CHMP2B: variants seen among roughly 807,000 people sequenced by gnomAD.
CHMP2B encodes charged multivesicular body protein 2B.
Under a neutral mutation model 29.8 loss-of-function variants are expected in CHMP2B, and 22 were observed. The observed-to-expected ratio is 0.74, with a 90% CI of 0.53 to 1.05. The LOEUF is 1.05. Ranked by LOEUF, CHMP2B falls within the 50% of genes least tolerant of loss-of-function variation. The pLI, the probability that CHMP2B is intolerant of heterozygous loss-of-function variation, is 0.00. For missense variants in CHMP2B, 261 were observed against 252.2 expected (o/e 1.03, Z -0.24); for synonymous variants, 78 against 75.8 (o/e 1.03, Z -0.15).
intron 3 of CHMP2B, among the ~76,000 whole-genome samples, chr3:87,247,857 A>G (rs1214077368): frequency 1.3e-5 from 2 of 152,220 alleles, no homozygotes; most frequent in African/African-American, 4.8e-5. Flanking sequence ...GACACCCTAA[A>G]CACTCTGACT....
intron 1 of CHMP2B, among the ~76,000 whole-genome samples, chr3:87,234,251 G>T (rs1182002135): frequency 6.6e-6 from 1 of 152,212 alleles, no homozygotes; most frequent in Non-Finnish European, 1.5e-5. Flanking sequence ...TGGTGAGCTA[G>T]ACTGGACCAC....
chr3:87,240,254 A>G, intron 1 of CHMP2B: 1 of 152,334 alleles, frequency 6.6e-6, no homozygotes, highest in Middle Eastern at 3.5e-3. Context: ...TTTTTAGCAT[A>G]TTAAAGTAAA....
chr3:87,233,931 A>G (rs1411512804), intron 1 of CHMP2B, among the ~76,000 whole-genome samples: 2 of 152,150 alleles, frequency 1.3e-5, no homozygotes, highest in Non-Finnish European at 2.9e-5. Context: ...AACACAGCAT[A>G]CAGTATAGTG....
chr3:87,227,673 C>T, intron 1 of CHMP2B, 117 bp downstream of exon 1: 1 of 1,313,434 alleles, frequency 7.6e-7, no homozygotes, highest in Non-Finnish European at 1.1e-6. Flanking sequence ...CAAGTGGTCC[C>T]ACAGGTGACC....
chr3:87,250,268 T>A (rs1445353217), intron 4 of CHMP2B, among the ~76,000 whole-genome samples: 1 of 152,016 alleles, frequency 6.6e-6, no homozygotes, highest in Non-Finnish European at 1.5e-5. Context: ...TGTCAACTCT[T>A]TGATACTGTA....
intron 1 of CHMP2B, among the ~76,000 whole-genome samples, chr3:87,228,966 C>T (rs1705860392): frequency 1.3e-5 from 2 of 151,666 alleles, no homozygotes; most frequent in Admixed American, 1.3e-4. Flanking sequence ...TTTCTTTTTG[C>T]TTGAGTTTTA....
intron 3 of CHMP2B, among the ~76,000 whole-genome samples, chr3:87,249,295 T>C (rs1706271561): frequency 6.6e-6 from 1 of 152,174 alleles, no homozygotes; most frequent in African/African-American, 2.4e-5. Flanking sequence ...TGAAACATGA[T>C]TGTAAATAAA....
intron 1 of CHMP2B, among the ~76,000 whole-genome samples, chr3:87,229,866 A>G (rs1705876173): frequency 6.6e-6 from 1 of 152,144 alleles, no homozygotes; most frequent in Admixed American, 6.5e-5. Flanking sequence ...TTTAAAAGGA[A>G]GACAACATTA....
intron 2 of CHMP2B, among the ~76,000 whole-genome samples, chr3:87,245,001 T>G (rs1375616603): frequency 6.6e-6 from 1 of 152,212 alleles, no homozygotes; most frequent in Non-Finnish European, 1.5e-5. Context: ...TGAAGCACTT[T>G]TATTAGGTAC....
At position 87,254,683 on chromosome 3, in the gene CHMP2B, G is replaced by C. The variant is rs755585268; in HGVS notation, c.*861G>C. ...TTGAATATAATTAGTAAAAATAGACGATGAATAAATAACACTTTATAGTAA... is the reference window on the plus strand; with the variant it reads ...TTGAATATAATTAGTAAAAATAGACCATGAATAAATAACACTTTATAGTAA... On this transcript the variant is annotated 3_prime_UTR_variant, in exon 6 of 6. Coordinates refer to ENST00000263780, the MANE Select transcript of CHMP2B (RefSeq NM_014043.4). 6.6e-6 allele frequency: 1 copy of C among 151,534 alleles called. No homozygotes were observed. Among genetic ancestry groups the C allele is most frequent in the Admixed American group, 6.6e-5 (1 of 15,176 alleles). The allele number at this position is 151,534 out of a possible 1,614,324, so 9.4% of individuals were successfully genotyped here. A position where few individuals can be genotyped will look rare whatever the true frequency, so the allele number is the denominator to read the frequency against.
intron 1 of CHMP2B, among the ~76,000 whole-genome samples, chr3:87,230,816 A>G (rs1705895946): frequency 1.3e-5 from 2 of 152,106 alleles, no homozygotes; most frequent in African/African-American, 4.8e-5. Flanking sequence ...ATCATCAGTA[A>G]CTTCTAGATT....
intron 2 of CHMP2B, 143 bp from the exon 3 acceptor site, chr3:87,245,571 C>T (rs1487915727): frequency 1.4e-6 from 1 of 700,872 alleles, no homozygotes; most frequent in South Asian, 2.0e-5. Flanking sequence ...CTCTTTTGCT[C>T]TATGACTTTA....
chr3:87,230,561 C>G (rs1705889306), intron 1 of CHMP2B, among the ~76,000 whole-genome samples: 1 of 152,150 alleles, frequency 6.6e-6, no homozygotes, highest in Non-Finnish European at 1.5e-5. Flanking sequence ...TTTCTGGAAC[C>G]AGACTTTTCT....
chr3:87,238,401 A>C lies in CHMP2B; in HGVS notation c.35-2298A>C, dbSNP rs1706053552. Among the ~76,000 whole-genome samples the C allele has an allele frequency of 2.0e-5, 3 of 152,242 alleles. 1 individual carries two copies. In the South Asian group the frequency reaches 6.2e-4, roughly 32 times the overall value. ...TGGTGTGTTACCACCACCTGTATCT[A>C]GTTCTAAAACATTTTCATCACCTTA... On this transcript the variant is annotated intron_variant, in intron 1 of 5. Coordinates refer to ENST00000263780, the MANE Select transcript of CHMP2B (RefSeq NM_014043.4).
At position 87,255,398 on chromosome 3, in the gene CHMP2B, C is replaced by G. The variant is rs1185875819; in HGVS notation, c.*1576C>G. On this transcript the variant is annotated 3_prime_UTR_variant, in exon 6 of 6. Coordinates refer to ENST00000263780, the MANE Select transcript of CHMP2B (RefSeq NM_014043.4). ...TCTTGAATGTACATAATAATGCCAT[C>G]TAACTTATTTACGTTCTTGTTTACA... The G allele has an allele frequency of 3.3e-5, 5 of 152,528 alleles. No homozygotes were observed. In the East Asian group the frequency reaches 9.6e-4, roughly 29 times the overall value. The allele number at this position is 152,528 out of a possible 1,614,324, so 9.4% of individuals were successfully genotyped here. A position where few individuals can be genotyped will look rare whatever the true frequency, so the allele number is the denominator to read the frequency against.
intron 2 of CHMP2B, among the ~76,000 whole-genome samples, chr3:87,241,675 T>A (rs992501260): frequency 3.3e-5 from 5 of 152,206 alleles, no homozygotes; most frequent in African/African-American, 9.6e-5. Flanking sequence ...TTCAATTGTT[T>A]GAATATTTCA....
At chr3:87,235,505 T>C (rs1705990180) in intron 1 of CHMP2B, among the ~76,000 whole-genome samples, 1 of 152,212 alleles carries the variant, frequency 6.6e-6, no homozygotes, top group Non-Finnish European at 1.5e-5. Flanking sequence ...TTAATAGGCC[T>C]ATTAACAACT....
chr3:87,231,713 C>T (rs1705911926), intron 1 of CHMP2B, among the ~76,000 whole-genome samples: 1 of 152,128 alleles, frequency 6.6e-6, no homozygotes, highest in African/African-American at 2.4e-5. Flanking sequence ...TCATTGTTAT[C>T]TCCCATACTC....
intron 1 of CHMP2B, among the ~76,000 whole-genome samples, chr3:87,231,172 G>C (rs982241346): frequency 5.3e-5 from 8 of 151,952 alleles, no homozygotes; most frequent in Admixed American, 2.0e-4. Context: ...ATGTGTTTTT[G>C]AGTTTCAGGC....
Sources: allele counts gnomAD v4.1 joint callset (sites outside exome capture counted in the v4.1 genomes callset), GRCh38; gene constraint gnomAD v4.1.1; transcripts MANE v1.5; gene names NCBI Gene and HGNC (gene_info 2026-07-23, HGNC 2026-07-21).